TANC1: variants seen among roughly 807,000 people sequenced by gnomAD.
TANC1 encodes the protein protein TANC1.
Under a neutral mutation model 149.7 loss-of-function variants are expected in TANC1, and 77 were observed. The observed-to-expected ratio is 0.51, with a 90% CI of 0.43 to 0.62. The LOEUF is 0.62. Among genes scored for constraint, TANC1 ranks in the 20% least tolerant of loss-of-function variants. The probability of loss-of-function intolerance (pLI) is 0.00; values close to 1 mark genes in which losing one functional copy is unlikely to be tolerated. For synonymous variants in TANC1, 854 were observed against 925.0 expected, an observed-to-expected ratio of 0.92 and a Z score of 1.39; for missense variants, 1,985 against 2,321.8, an observed-to-expected ratio of 0.85 and a Z score of 2.98.
rs191284450 is a variant in TANC1, at chr2:158,986,964, G to A, written c.-125-14116G>A. On this transcript the variant is annotated intron_variant, in intron 1 of 26. Coordinates refer to ENST00000263635, the MANE Select transcript of TANC1 (RefSeq NM_033394.3). ...TGTATTAAAAAGAGGCTGGAGGAGG[G>A]AACCTGGGACGTGGAGAGTGAGGAG... Among the ~76,000 whole-genome samples, 474 of 151,970 alleles carry A rather than the reference G, an allele frequency of 3.1e-3. 5 individuals are homozygous for A. The highest frequency in any genetic ancestry group is 6.8e-3 in the Middle Eastern group (2 of 294).
Position 159,125,573 on chromosome 2 carries a change from T to TCCTCCCTCCCTC in TANC1, c.260-10617_260-10606dup, listed in dbSNP as rs143564944. Among the ~76,000 whole-genome samples the TCCTCCCTCCCTC allele has an allele frequency of 3.5e-4, 48 of 139,090 alleles. 1 individual carries two copies. Among genetic ancestry groups the TCCTCCCTCCCTC allele is most frequent in the Middle Eastern group, 3.5e-3 (1 of 282 alleles). 91.2% of individuals were successfully genotyped at this position (139,090 alleles called of 152,430 possible). ...AGGACTGAGGTCCCCATTCCTTCCTTCCTCCCTCCCTCCCTTCCTTCCTTC... is the reference window on the plus strand; with the variant it reads ...AGGACTGAGGTCCCCATTCCTTCCTTCCTCCCTCCCTCCCTCCCTCCCTCCCTTCCTTCCTTC... On this transcript the variant is annotated intron_variant, in intron 4 of 26. Coordinates refer to ENST00000263635, the MANE Select transcript of TANC1 (RefSeq NM_033394.3).
intron 4 of TANC1, among the ~76,000 whole-genome samples, chr2:159,133,121 C>T (rs1295667236): frequency 6.6e-6 from 1 of 152,130 alleles, no homozygotes; most frequent in Admixed American, 6.5e-5. Flanking sequence ...TGTTACTGTA[C>T]CCTGAAGAGT....
intron 2 of TANC1, among the ~76,000 whole-genome samples, chr2:159,034,691 A>C (rs1351721290): frequency 6.6e-6 from 1 of 152,244 alleles, no homozygotes; most frequent in Non-Finnish European, 1.5e-5. Flanking sequence ...CAAATGTAGG[A>C]CAGATCCCCA....
chr2:159,136,095 T>C (rs2050712378), intron 4 of TANC1, 99 bp from the exon 5 acceptor site: 1 of 720,396 alleles, frequency 1.4e-6, no homozygotes, highest in African/African-American at 1.8e-5. Flanking sequence ...GCTCTTCCTC[T>C]AGGCATATTT....
At chr2:159,176,887 G>A (rs2055912577) in intron 13 of TANC1, among the ~76,000 whole-genome samples, 1 of 145,944 alleles carries the variant, frequency 6.9e-6, no homozygotes, top group South Asian at 2.2e-4. Context: ...TTTTTTTGAA[G>A]GGAAAAATGA....
chr2:159,029,817 T>G (rs751477564), intron 2 of TANC1, among the ~76,000 whole-genome samples: 13 of 152,140 alleles, frequency 8.5e-5, no homozygotes, highest in Non-Finnish European at 1.8e-4. Context: ...TGCCTCAGCT[T>G]CCCAAGTAGC....
At chr2:159,164,158 C>G (rs886495426) in intron 8 of TANC1, among the ~76,000 whole-genome samples, 1 of 152,022 alleles carries the variant, frequency 6.6e-6, no homozygotes, top group African/African-American at 2.4e-5. Flanking sequence ...AGTAGTCAGA[C>G]TGGTCACCAG....
intron 5 of TANC1, among the ~76,000 whole-genome samples, chr2:159,136,803 AAAAAC>A: frequency 6.6e-6 from 1 of 152,118 alleles, no homozygotes; most frequent in Admixed American, 6.5e-5. Flanking sequence ...AAAAAAAAAA[AAAAAC>A]CAAATTGATG....
At chr2:159,166,820 A>G (rs529481699) in intron 8 of TANC1, among the ~76,000 whole-genome samples, 1 of 152,354 alleles carries the variant, frequency 6.6e-6, no homozygotes, top group African/African-American at 2.4e-5. Flanking sequence ...GAAAGCTGAG[A>G]TAGCTGGCAG....
chr2:158,983,465 TCC>T (rs1242659447), intron 1 of TANC1, among the ~76,000 whole-genome samples: 18 of 67,558 alleles, frequency 2.7e-4, no homozygotes, highest in Admixed American at 6.7e-4. Flanking sequence ...AGACTCCGTC[TCC>T]CAAAAAAAAA....
In TANC1 at chr2:159,145,103, A is replaced by G. The variant is rs563767448; in HGVS notation, c.365-4039A>G. On this transcript the variant is annotated intron_variant, in intron 5 of 26. Coordinates refer to ENST00000263635, the MANE Select transcript of TANC1 (RefSeq NM_033394.3). Reference sequence around the variant, plus strand: ...GACCTGCGCTCCTCCCCTGGCTTTAAACAAGAGAGAATGATTGGAATGGAA... The same window carrying G: ...GACCTGCGCTCCTCCCCTGGCTTTAGACAAGAGAGAATGATTGGAATGGAA... Among the ~76,000 whole-genome samples, 4 of 152,338 alleles carry G rather than the reference A, an allele frequency of 2.6e-5. No homozygotes were observed. The South Asian group carries it at 8.3e-4, about 32-fold the overall frequency.
chr2:158,969,490 A>AT, intron 1 of TANC1, among the ~76,000 whole-genome samples: 1 of 152,260 alleles, frequency 6.6e-6, no homozygotes, highest in Middle Eastern at 3.4e-3. Flanking sequence ...AATTGTCAAG[A>AT]TTGTGAGCCC....
intron 2 of TANC1, among the ~76,000 whole-genome samples, chr2:159,060,645 G>C (rs996604965): frequency 2.0e-4 from 31 of 152,296 alleles, no homozygotes; most frequent in African/African-American, 7.5e-4. Context: ...GAACAGGGTG[G>C]GTGCGAAGCC....
At chr2:158,973,604 G>T (rs1171890028) in intron 1 of TANC1, among the ~76,000 whole-genome samples, 1 of 152,230 alleles carries the variant, frequency 6.6e-6, no homozygotes, top group African/African-American at 2.4e-5. Context: ...AGCCAAAGGA[G>T]AGTTACGGTT....
At chr2:159,025,189 T>TGTTCTTTC (rs2039182755) in intron 2 of TANC1, among the ~76,000 whole-genome samples, 1 of 105,222 alleles carries the variant, frequency 9.5e-6, no homozygotes, top group Non-Finnish European at 1.9e-5. Flanking sequence ...TTTTTCTTTC[T>TGTTCTTTC]TTTCTTTCTT....
At position 159,224,340 on chromosome 2, in the gene TANC1, C is replaced by G. The variant is rs2059887997; in HGVS notation, c.3787C>G (p.Leu1263Val). The change falls in exon 23 of 27, where the codon CTA becomes GTA. Residue 1263 changes from leucine (L) to valine (V), a missense_variant. By Grantham distance (32) the Leu-to-Val change is conservative. Around this residue, in one of 3 missense-constraint regions of TANC1, gnomAD observed 920 missense variants for 994.7 expected, o/e 0.92. Coordinates refer to ENST00000263635, the MANE Select transcript of TANC1 (RefSeq NM_033394.3). ...CCGGAACACATCTGTAGTGGTGGCG[C>G]TACTCAGAAAGGGAGCCAAGTTAGG... ...GCRNTSVVVA[L>V]LRKGAKLGNA... The G allele has an allele frequency of 6.2e-7, 1 of 1,614,138 alleles. No individual in the cohort carries two copies. The highest frequency in any genetic ancestry group is 8.5e-7 in the Non-Finnish European group (1 of 1,180,018).
At chr2:159,156,081 T>C (rs2053402774) in intron 7 of TANC1, among the ~76,000 whole-genome samples, 2 of 152,232 alleles carry the variant, frequency 1.3e-5, no homozygotes, top group African/African-American at 4.8e-5. Context: ...TATTTTCCTT[T>C]TTGACTTGTT....
intron 2 of TANC1, among the ~76,000 whole-genome samples, chr2:159,029,749 G>C (rs1225357614): frequency 6.6e-6 from 1 of 152,066 alleles, no homozygotes; most frequent in Non-Finnish European, 1.5e-5. Flanking sequence ...ATTTTGTGTA[G>C]AGGTGAGGTC....
intron 1 of TANC1, among the ~76,000 whole-genome samples, chr2:158,970,152 G>A (rs72999098): frequency 6.6e-6 from 1 of 151,928 alleles, no homozygotes; most frequent in African/African-American, 2.4e-5. Flanking sequence ...TTGGAGGGGT[G>A]GGGGTGGGAG....
Sources: gnomAD v4.1 joint callset for allele counts (sites outside exome capture counted in the v4.1 genomes callset) on GRCh38, gnomAD v4.1.1 for gene constraint, gnomAD v4.1.1 regional missense constraint, MANE v1.5 for transcripts, NCBI Gene and HGNC (gene_info 2026-07-23, HGNC 2026-07-21) for gene names.